SP140: variants seen among roughly 807,000 people sequenced by gnomAD.
SP140 encodes the protein SP140 nuclear body protein.
In SP140, 81 loss-of-function variants were observed where a neutral mutation model predicts 125.0. The observed-to-expected ratio is 0.65, with a 90% confidence interval of 0.54 to 0.78. The LOEUF is 0.78. SP140 is among the 30% of genes least tolerant of loss of function. The pLI, the probability that SP140 is intolerant of heterozygous loss-of-function variation, is 0.00. For missense variants in SP140, 858 were observed against 1,037.0 expected (o/e 0.83, Z 2.37); for synonymous variants, 312 against 354.0 (o/e 0.88, Z 1.33).
In SP140 at chr2:230,300,067, A is replaced by G. The variant is rs1008075575; in HGVS notation, c.2058+2605A>G. On this transcript the variant is annotated intron_variant, in intron 22 of 26. Transcript: ENST00000392045. ...AAAGACAGGGGCTCATGGGAGCTCT[A>G]TGACCTCACCCATCACCTGAGAAAA... is the stretch of plus-strand genomic sequence containing the variant. Among the ~76,000 whole-genome samples, 8 of 152,208 alleles carry G rather than the reference A, an allele frequency of 5.3e-5. No homozygotes were observed. In the East Asian group the frequency reaches 1.4e-3, roughly 26 times the overall value.
intron 1 of SP140, among the ~76,000 whole-genome samples, chr2:230,230,102 A>G (rs1450679484): frequency 6.6e-6 from 1 of 152,186 alleles, no homozygotes; most frequent in Non-Finnish European, 1.5e-5. Context: ...AGAATTTAAT[A>G]ATCGCAGGGC....
chr2:230,269,652 C>G (rs911312691), intron 13 of SP140, 34 bp downstream of exon 13: 27 of 1,307,858 alleles, frequency 2.1e-5, no homozygotes, highest in Admixed American at 6.5e-5. Context: ...AAAACAGAAA[C>G]AGAGTTCTGA....
intron 3 of SP140, among the ~76,000 whole-genome samples, chr2:230,240,832 T>G (rs2048621601): frequency 6.6e-6 from 1 of 152,206 alleles, no homozygotes; most frequent in African/African-American, 2.4e-5. Flanking sequence ...TGAAAATATG[T>G]TCATGCAAAG....
chr2:230,248,280 G>A (rs369828371), intron 8 of SP140, among the ~76,000 whole-genome samples: 4 of 152,186 alleles, frequency 2.6e-5, no homozygotes, highest in Admixed American at 1.3e-4. Context: ...AATGCAAGCA[G>A]GATATTATCA....
At chr2:230,307,953 A>G (rs2058921268) in intron 22 of SP140, among the ~76,000 whole-genome samples, 3 of 74,144 alleles carry the variant, frequency 4.0e-5, no homozygotes, top group Non-Finnish European at 7.8e-5. Context: ...TTGGACATGC[A>G]TGTATATATA....
At chr2:230,228,510 G>T (rs1340196992) in intron 1 of SP140, among the ~76,000 whole-genome samples, 1 of 152,138 alleles carries the variant, frequency 6.6e-6, no homozygotes, top group African/African-American at 2.4e-5. Context: ...TAATAGTAGT[G>T]AATTTGTCTA....
chr2:230,229,067 T>G (rs1444208881), intron 1 of SP140, among the ~76,000 whole-genome samples: 1 of 152,170 alleles, frequency 6.6e-6, no homozygotes, highest in Non-Finnish European at 1.5e-5. Flanking sequence ...AAAACATTTT[T>G]AGTGGTTCCC....
Position 230,209,808 on chromosome 2 carries a change from G to A in SP140, c.-322-3846G>A, listed in dbSNP as rs530367649. The A allele has an allele frequency of 1.0e-4, 74 of 735,160 alleles. No individual in the cohort carries two copies. The East Asian group carries it at 1.1e-3, about 11-fold the overall frequency. The allele number at this position is 735,160 out of a possible 1,614,324, so 45.5% of individuals were successfully genotyped here. A position where few individuals can be genotyped will look rare whatever the true frequency, so the allele number is the denominator to read the frequency against. On this transcript the variant is annotated intron_variant, in intron 1 of 4. Coordinates refer to the SP140 transcript ENST00000456542. The stretch of plus-strand genomic sequence containing the variant: ...TGCAGCAAATGGAAACTGCAGAAAC[G>A]AACTGTGTGTGGCATCAGGACTGTG...
At chr2:230,294,773 G>T (rs3769847) in intron 21 of SP140, among the ~76,000 whole-genome samples, 33,037 of 152,112 alleles carry the variant, frequency 0.22, 4,284 homozygotes, top group African/African-American at 0.37. Context: ...ACATCCATTT[G>T]AGACATGCAT....
chr2:230,274,128 A>G (rs2054362147), intron 15 of SP140, among the ~76,000 whole-genome samples: 1 of 150,710 alleles, frequency 6.6e-6, no homozygotes, highest in Non-Finnish European at 1.5e-5. Flanking sequence ...AAAAAAAAAT[A>G]GATGTGTGAA....
intron 1 of SP140, among the ~76,000 whole-genome samples, chr2:230,206,270 T>C (rs553541658): frequency 6.6e-6 from 1 of 152,160 alleles, no homozygotes; most frequent in African/African-American, 2.4e-5. Context: ...CCTGCCTCCA[T>C]CACCAAAATT....
Position 230,269,636 on chromosome 2 carries a change from A to C in SP140, c.1327+18A>C. The C allele has an allele frequency of 1.4e-6, 2 of 1,420,096 alleles. No individual in the cohort carries two copies. The highest frequency in any genetic ancestry group is 4.6e-5 in the East Asian group (2 of 43,644). The allele number at this position is 1,420,096 out of a possible 1,614,324, so 88.0% of individuals were successfully genotyped here. On this transcript the variant is annotated intron_variant, in intron 13 of 26. Transcript: ENST00000392045. ...TGTACCAGGTAATTATGACTTAAAAATAGTGAAAACAGAAACAGAGTTCTG... is the reference window on the plus strand; with the variant it reads ...TGTACCAGGTAATTATGACTTAAAACTAGTGAAAACAGAAACAGAGTTCTG...
chr2:230,238,672 C>A, intron 3 of SP140: 2 of 1,073,488 alleles, frequency 1.9e-6, no homozygotes, highest in Non-Finnish European at 2.8e-6. Context: ...TGAAGGAATA[C>A]ATGAGTGATG....
At chr2:230,231,775 C>T (rs1232562090) in intron 1 of SP140, among the ~76,000 whole-genome samples, 2 of 151,986 alleles carry the variant, frequency 1.3e-5, no homozygotes, top group East Asian at 1.9e-4. Flanking sequence ...GGCGTGGTCT[C>T]GGCTCACTGC....
intron 1 of SP140, among the ~76,000 whole-genome samples, chr2:230,227,747 C>T (rs2046670280): frequency 6.6e-6 from 1 of 152,156 alleles, no homozygotes; most frequent in Non-Finnish European, 1.5e-5. Flanking sequence ...TTTCCATTGT[C>T]CATGGAATTC....
chr2:230,287,766 A>G, intron 17 of SP140, 126 bp from the exon 18 acceptor site: 1 of 735,270 alleles, frequency 1.4e-6, no homozygotes, highest in African/African-American at 1.8e-5. Context: ...TAGGGTTTAA[A>G]TCTTTTTATT....
chr2:230,306,498 G>A (rs1233297602), intron 22 of SP140, among the ~76,000 whole-genome samples: 1 of 152,192 alleles, frequency 6.6e-6, no homozygotes, highest in Non-Finnish European at 1.5e-5. Flanking sequence ...AGGTGCCCAG[G>A]TTGCAGCTGT....
intron 10 of SP140, among the ~76,000 whole-genome samples, chr2:230,251,734 A>C (rs2050395534): frequency 6.6e-6 from 1 of 152,168 alleles, no homozygotes; most frequent in Non-Finnish European, 1.5e-5. Context: ...ATTTTTGACC[A>C]ATACTCTTCA....
intron 9 of SP140, 53 bp downstream of exon 9, chr2:230,249,021 G>A: frequency 6.8e-7 from 1 of 1,459,998 alleles, no homozygotes; most frequent in Admixed American, 1.8e-5. Context: ...TTTTCTAGTT[G>A]GCATGGAAAA....
Sources: gnomAD v4.1 joint callset for allele counts (sites outside exome capture counted in the v4.1 genomes callset) on GRCh38, gnomAD v4.1.1 for gene constraint, MANE v1.5 for transcripts, NCBI Gene and HGNC (gene_info 2026-07-23, HGNC 2026-07-21) for gene names.